Variants in CLVS1 observed in about 807,000 individuals in gnomAD.
CLVS1 encodes clavesin 1.
Under a neutral mutation model 33.1 loss-of-function variants are expected in CLVS1, and 10 were observed. That is an observed-to-expected ratio of 0.30 (90% CI 0.19 to 0.51). The LOEUF is 0.51. CLVS1 is among the 20% of genes least tolerant of loss of function. CLVS1 has a pLI of 0.97. For synonymous variants in CLVS1, 163 were observed against 166.1 expected (o/e 0.98, Z 0.14); for missense variants, 343 against 433.4 (o/e 0.79, Z 1.85).
intron 3 of CLVS1, among the ~76,000 whole-genome samples, chr8:61,409,006 T>G (rs1424222493): frequency 1.3e-5 from 2 of 152,164 alleles, no homozygotes; most frequent in Non-Finnish European, 2.9e-5. Context: ...AAGAAATATA[T>G]CAGGCTTAAA....
At chr8:61,456,281 A>G (rs1026904970) in intron 4 of CLVS1, among the ~76,000 whole-genome samples, 1 of 152,156 alleles carries the variant, frequency 6.6e-6, no homozygotes, top group Non-Finnish European at 1.5e-5. Flanking sequence ...AAAACTGGAC[A>G]TGTTGGGTGG....
intron 3 of CLVS1, among the ~76,000 whole-genome samples, chr8:61,387,466 C>CT (rs372983692): frequency 0.063 from 6,869 of 109,214 alleles, 359 homozygotes; most frequent in African/African-American, 0.14. Context: ...TGTACAGTTC[C>CT]TTTTTTTTTT....
chr8:61,397,386 T>G (rs1262147790), intron 3 of CLVS1, among the ~76,000 whole-genome samples: 1 of 152,204 alleles, frequency 6.6e-6, no homozygotes, highest in Non-Finnish European at 1.5e-5. Flanking sequence ...TGCCAACTTT[T>G]AATTTTTTTA....
At chr8:61,273,747 C>G (rs749036300) in intron 2 of CLVS1, among the ~76,000 whole-genome samples, 2 of 152,206 alleles carry the variant, frequency 1.3e-5, no homozygotes, top group Non-Finnish European at 1.5e-5. Context: ...GGGAGTGACC[C>G]GATTTTCCAG....
chr8:61,159,655 A>C (rs757269494), intron 2 of CLVS1, among the ~76,000 whole-genome samples: 2 of 152,222 alleles, frequency 1.3e-5, no homozygotes, highest in African/African-American at 2.4e-5. Flanking sequence ...CATGAACGAA[A>C]TAACTCACTG....
chr8:61,033,635 A>G, the CLVS1 span, among the ~76,000 whole-genome samples: 16 of 152,256 alleles, frequency 1.1e-4, no homozygotes, highest in Admixed American at 2.6e-4. Context: ...TCGACTGGCC[A>G]TGGTCTGGAA....
chr8:61,051,478 C>T, the CLVS1 span, among the ~76,000 whole-genome samples: 2 of 152,230 alleles, frequency 1.3e-5, no homozygotes, highest in African/African-American at 2.4e-5. Flanking sequence ...ACCAGGTTCC[C>T]CTTGGGGATG....
chr8:61,211,646 T>G (rs1458991225), intron 2 of CLVS1, among the ~76,000 whole-genome samples: 1 of 152,206 alleles, frequency 6.6e-6, no homozygotes, highest in Non-Finnish European at 1.5e-5. Context: ...GCTTCTTGCT[T>G]TGAAGGCAGC....
chr8:61,274,212 A>G (rs978776964), intron 2 of CLVS1, among the ~76,000 whole-genome samples: 2 of 152,228 alleles, frequency 1.3e-5, no homozygotes, highest in Non-Finnish European at 2.9e-5. Context: ...GCTGTGAGCC[A>G]TTGGGTGATT....
At chr8:61,204,448 G>T (rs1452986777) in intron 2 of CLVS1, among the ~76,000 whole-genome samples, 1 of 152,018 alleles carries the variant, frequency 6.6e-6, no homozygotes, top group Non-Finnish European at 1.5e-5. Flanking sequence ...AATTTTCAGG[G>T]GCTATAAATG....
chr8:61,284,147 A>T (rs1451336227), upstream of CLVS1, among the ~76,000 whole-genome samples: 1 of 152,218 alleles, frequency 6.6e-6, no homozygotes, highest in East Asian at 1.9e-4. Context: ...GGTCTCAGTC[A>T]TCTGTGGAAT....
At chr8:61,495,116 C>T (rs1804225136) in intron 5 of CLVS1, among the ~76,000 whole-genome samples, 1 of 152,166 alleles carries the variant, frequency 6.6e-6, no homozygotes, top group South Asian at 2.1e-4. Context: ...CCCAATTTGA[C>T]TCAATGTGGA....
intron 3 of CLVS1, among the ~76,000 whole-genome samples, chr8:61,432,117 GC>G (rs1269670706): frequency 1.3e-5 from 2 of 152,152 alleles, no homozygotes; most frequent in African/African-American, 4.8e-5. Context: ...AAAAAAGTAT[GC>G]CTTAGAATGG....
chr8:61,218,706 G>T (rs556823259), intron 2 of CLVS1, among the ~76,000 whole-genome samples: 1 of 151,222 alleles, frequency 6.6e-6, no homozygotes, highest in African/African-American at 2.4e-5. Context: ...AGGCTGAGGC[G>T]GGTGGACAGC....
chr8:61,287,516 T>G (rs1164929662), upstream of CLVS1, among the ~76,000 whole-genome samples: 1 of 152,206 alleles, frequency 6.6e-6, no homozygotes, highest in Non-Finnish European at 1.5e-5. Context: ...CCTCTTGTGC[T>G]TAGAAAACCT....
At chr8:61,447,341 CT>C (rs942350606) in intron 3 of CLVS1, among the ~76,000 whole-genome samples, 10 of 151,952 alleles carry the variant, frequency 6.6e-5, no homozygotes, top group African/African-American at 2.2e-4. Context: ...ATGCTAATCT[CT>C]TTTAATTGGT....
chr8:60,974,408 G>A, the CLVS1 span, among the ~76,000 whole-genome samples: 2 of 152,162 alleles, frequency 1.3e-5, no homozygotes, highest in Non-Finnish European at 2.9e-5. Flanking sequence ...ATTCCCACAG[G>A]GTACTTCCTT....
chr8:61,190,584 A>G (rs1430092942), intron 2 of CLVS1, among the ~76,000 whole-genome samples: 4 of 152,168 alleles, frequency 2.6e-5, no homozygotes, highest in Non-Finnish European at 1.5e-5. Context: ...TGAATCCAGG[A>G]GCTGGTTTTT....
chr8:61,372,231 A>G (rs1813471614), intron 2 of CLVS1, among the ~76,000 whole-genome samples: 1 of 152,192 alleles, frequency 6.6e-6, no homozygotes, highest in Non-Finnish European at 1.5e-5. Context: ...ATATAAATGT[A>G]AATGATTTGG....
Sources: gnomAD v4.1 joint callset for allele counts (sites outside exome capture counted in the v4.1 genomes callset) on GRCh38, gnomAD v4.1.1 for gene constraint, MANE v1.5 for transcripts, NCBI Gene and HGNC (gene_info 2026-07-23, HGNC 2026-07-21) for gene names.